The following TCF4 variants were observed in gnomAD, a reference collection of about 807,000 sequenced individuals.
TCF4 encodes SL3-3 enhancer factor 2.
Under a neutral mutation model 82.1 loss-of-function variants are expected in TCF4, and 3 were observed. The ratio of observed to expected loss-of-function variants is 0.04; its 90% confidence interval spans 0.02 to 0.09. The LOEUF (loss-of-function observed/expected upper bound fraction) is 0.09, where lower values mean the gene tolerates loss of function less well. TCF4 is among the 10% of genes least tolerant of loss of function. The pLI, the probability that TCF4 is intolerant of heterozygous loss-of-function variation, is 1.00. For synonymous variants in TCF4, 276 were observed against 309.6 expected (o/e 0.89, Z 1.14); for missense variants, 518 against 852.7 (o/e 0.61, Z 4.89).
At position 55,633,856 on chromosome 18, in the gene TCF4, A is replaced by G. The variant is rs2097733695; in HGVS notation, c.195+1847T>C. 6.6e-6 allele frequency among the ~76,000 whole-genome samples: 1 copy of G among 152,052 alleles called. No homozygotes were observed. The highest frequency in any genetic ancestry group is 1.5e-5 in the Non-Finnish European group (1 of 68,028). ...GCATAGCCAGGAGAAACAGCTGTAT[A>G]CAAAGGCTAAAAACCAAACCAAAAC... On this transcript the variant is annotated intron_variant, in intron 1 of 20. Coordinates refer to the TCF4 transcript ENST00000398339. The surrounding 1 kb of genome is among the most constrained non-coding windows in gnomAD (Gnocchi z 4.0).
Position 55,602,782 on chromosome 18 carries a change from C to A in TCF4, c.287-15646G>T, listed in dbSNP as rs544478664. On this transcript the variant is annotated intron_variant, in intron 2 of 20. Coordinates refer to the TCF4 transcript ENST00000398339. ...GGAAAATTTATCACCCTTTGTAGTC[C>A]AAAAAATTGTAATTGCAGACACAAC... Among the ~76,000 whole-genome samples, 4 of 152,094 alleles carry A rather than the reference C, an allele frequency of 2.6e-5. No individual in the cohort carries two copies. In the South Asian group the frequency reaches 8.3e-4, roughly 32 times the overall value.
Position 55,350,421 on chromosome 18 carries a change from G to T in TCF4, c.500-13C>A. ...TTTGTCTGTACCTCTGAAAGAAAAT[G>T]AAGATGCTTTCAGCTCCCAAATGCC... On this transcript the variant is annotated splice_polypyrimidine_tract_variant and intron_variant, in intron 7 of 19. Coordinates refer to ENST00000354452, the MANE Select transcript of TCF4 (RefSeq NM_001083962.2). 6.2e-7 allele frequency: 1 copy of T among 1,613,406 alleles called. No homozygotes were observed. Among genetic ancestry groups the T allele is most frequent in the Non-Finnish European group, 8.5e-7 (1 of 1,179,598 alleles).
intron 5 of TCF4, among the ~76,000 whole-genome samples, chr18:55,409,113 T>C (rs77917583): frequency 0.027 from 4,169 of 152,256 alleles, 197 homozygotes; most frequent in African/African-American, 0.092. Flanking sequence ...TCTACACCTC[T>C]ATGTGAAGAC....
At chr18:55,579,078 T>C (rs1262095694) in intron 3 of TCF4, among the ~76,000 whole-genome samples, 1 of 150,336 alleles carries the variant, frequency 6.7e-6, no homozygotes, top group African/African-American at 2.4e-5. Flanking sequence ...AAGTCTAATA[T>C]AAATATATAT....
At chr18:55,518,826 T>C (rs2146447552) in intron 3 of TCF4, among the ~76,000 whole-genome samples, 1 of 152,310 alleles carries the variant, frequency 6.6e-6, no homozygotes, top group South Asian at 2.1e-4. Flanking sequence ...GGGGTCCTTG[T>C]ATTTTTTTGT....
intron 11 of TCF4, among the ~76,000 whole-genome samples, chr18:55,263,179 G>C (rs1306558589): frequency 1.3e-5 from 2 of 152,076 alleles, no homozygotes; most frequent in African/African-American, 4.8e-5. Context: ...CTAAAATACT[G>C]AAAGAAATCT....
intron 6 of TCF4, among the ~76,000 whole-genome samples, chr18:55,357,164 C>T (rs1195776970): frequency 2.0e-5 from 3 of 152,060 alleles, no homozygotes; most frequent in Non-Finnish European, 2.9e-5. Flanking sequence ...TACACTAAAG[C>T]GAGGAGGTTT....
chr18:55,515,536 C>T (rs2096872858), intron 3 of TCF4, among the ~76,000 whole-genome samples: 1 of 152,134 alleles, frequency 6.6e-6, no homozygotes, highest in African/African-American at 2.4e-5. Context: ...AAGAAAAACT[C>T]CCATGAAGAG....
At position 55,249,617 on chromosome 18, in the gene TCF4, T is replaced by C. The variant is rs2054390500; in HGVS notation, c.1350+4880A>G. Among the ~76,000 whole-genome samples the C allele has an allele frequency of 2.6e-5, 4 of 152,338 alleles. No individual in the cohort carries two copies. The South Asian group carries it at 8.3e-4, about 32-fold the overall frequency. ...AGGGAGCAATCTGCTTAAGTACACA[T>C]CTTTTCCTACTAGCCTGTGAATTCC... On this transcript the variant is annotated intron_variant, in intron 15 of 19. Transcript: ENST00000354452.
chr18:55,291,756 T>C (rs1297850544), intron 8 of TCF4, among the ~76,000 whole-genome samples: 1 of 152,186 alleles, frequency 6.6e-6, no homozygotes, highest in Non-Finnish European at 1.5e-5. Flanking sequence ...CAACCAGCAA[T>C]ATTTCACTAA....
intron 3 of TCF4, among the ~76,000 whole-genome samples, chr18:55,502,131 T>C (rs191059009): frequency 1.3e-5 from 2 of 152,314 alleles, no homozygotes; most frequent in East Asian, 3.9e-4. Flanking sequence ...TTTTATGCCT[T>C]TCTAACCTGG....
At chr18:55,497,666 G>A (rs1346221914) in intron 3 of TCF4, among the ~76,000 whole-genome samples, 1 of 152,150 alleles carries the variant, frequency 6.6e-6, no homozygotes, top group East Asian at 1.9e-4. Context: ...AAAAGCAGGA[G>A]GAATGTTTGA....
intron 3 of TCF4, among the ~76,000 whole-genome samples, chr18:55,474,123 T>C (rs1352799619): frequency 6.6e-6 from 1 of 152,172 alleles, no homozygotes; most frequent in African/African-American, 2.4e-5. Context: ...TAAATCTACC[T>C]CCACATGTAT....
intron 15 of TCF4, among the ~76,000 whole-genome samples, chr18:55,250,784 A>C (rs1326513353): frequency 2.0e-5 from 3 of 152,200 alleles, no homozygotes; most frequent in Non-Finnish European, 4.4e-5. Flanking sequence ...ATAATATGTG[A>C]GACTCGAGGA....
chr18:55,589,730 G>A, upstream of TCF4: 1 of 1,024,410 alleles, frequency 9.8e-7, no homozygotes, highest in Non-Finnish European at 1.2e-6. Flanking sequence ...ACTCCCCCGT[G>A]GAGTCACATT....
At chr18:55,442,915 TAC>T (rs1164808223) in intron 5 of TCF4, among the ~76,000 whole-genome samples, 1 of 152,230 alleles carries the variant, frequency 6.6e-6, no homozygotes, top group East Asian at 1.9e-4. Context: ...ACAGAAATCC[TAC>T]ACACTGGTAT....
At chr18:55,619,498 A>G (rs1455565131) in intron 2 of TCF4, among the ~76,000 whole-genome samples, 2 of 152,084 alleles carry the variant, frequency 1.3e-5, no homozygotes, top group Non-Finnish European at 2.9e-5. Context: ...TTCTTTTACA[A>G]TGTCTAATCT....
chr18:55,435,172 G>A (rs2095303027), intron 5 of TCF4, among the ~76,000 whole-genome samples: 1 of 152,158 alleles, frequency 6.6e-6, no homozygotes, highest in Admixed American at 6.5e-5. Context: ...AATGTGGTTT[G>A]CTTGCTTGCT....
intron 5 of TCF4, among the ~76,000 whole-genome samples, chr18:55,421,082 A>G (rs2146944366): frequency 6.6e-6 from 1 of 152,204 alleles, no homozygotes; most frequent in South Asian, 2.1e-4. Flanking sequence ...AAATAAACTA[A>G]AAGGAAAAAA....
Sources: allele counts gnomAD v4.1 joint callset (sites outside exome capture counted in the v4.1 genomes callset), GRCh38; gene constraint gnomAD v4.1.1; non-coding constraint Gnocchi (gnomAD v3.1); transcripts MANE v1.5; gene names NCBI Gene and HGNC (gene_info 2026-07-23, HGNC 2026-07-21).